Variants in ZSWIM6 observed in about 807,000 individuals in gnomAD.
The protein encoded by ZSWIM6 is zinc finger SWIM domain-containing protein 6.
Under a neutral mutation model 113.2 loss-of-function variants are expected in ZSWIM6, and 9 were observed. The ratio of observed to expected loss-of-function variants is 0.08; its 90% CI spans 0.05 to 0.14. The LOEUF is 0.14. ZSWIM6 is among the 10% of genes least tolerant of loss of function. The pLI is 1.00. For synonymous variants in ZSWIM6, 611 were observed against 606.5 expected, an observed-to-expected ratio of 1.01 and a Z score of -0.11; for missense variants, 1,162 against 1,552.2, an observed-to-expected ratio of 0.75 and a Z score of 4.22.
At chr5:61,505,294 A>G (rs906806522) in intron 4 of ZSWIM6, among the ~76,000 whole-genome samples, 34 of 152,186 alleles carry the variant, frequency 2.2e-4, no homozygotes, top group Non-Finnish European at 2.8e-4. Flanking sequence ...AAAATAAGAA[A>G]GCATCTATCA....
At chr5:61,458,606 C>T (rs1307974801) in intron 1 of ZSWIM6, among the ~76,000 whole-genome samples, 1 of 151,926 alleles carries the variant, frequency 6.6e-6, no homozygotes, top group Non-Finnish European at 1.5e-5. Flanking sequence ...GGCTGGACGC[C>T]GTGGCTCATG....
In ZSWIM6 at chr5:61,332,579, G is replaced by C; in HGVS notation, c.307G>C (p.Glu103Gln). 1 of 1,360,900 alleles carries C rather than the reference G, an allele frequency of 7.3e-7. No homozygotes were observed. The highest frequency in any genetic ancestry group is 9.7e-7 in the Non-Finnish European group (1 of 1,029,672). The allele number at this position is 1,360,900 out of a possible 1,614,324, so 84.3% of individuals were successfully genotyped here. A position where few individuals can be genotyped will look rare whatever the true frequency, so the allele number is the denominator to read the frequency against. ...RVEERFERIPEPVQRRIVYWS... is the reference protein window; with the variant it reads ...RVEERFERIPQPVQRRIVYWS... ...GGAGGAGCGCTTTGAGCGCATCCCGGAGCCGGTGCAGCGCCGCATAGTCTA... is the reference window on the plus strand; with the variant it reads ...GGAGGAGCGCTTTGAGCGCATCCCGCAGCCGGTGCAGCGCCGCATAGTCTA... The change falls in exon 1 of 14, where the codon GAG (glutamate) becomes CAG (glutamine). Residue 103 changes from glutamate (E) to glutamine (Q), a missense_variant. By Grantham distance (29) the Glu-to-Gln change is conservative. This residue lies in a region of ZSWIM6 where 333 missense variants were observed against 293.4 expected (regional missense o/e 1.13). Coordinates refer to ENST00000252744, the MANE Select transcript of ZSWIM6 (RefSeq NM_020928.2).
At chr5:61,520,326 T>G (rs564847154) in intron 4 of ZSWIM6, among the ~76,000 whole-genome samples, 2 of 152,332 alleles carry the variant, frequency 1.3e-5, no homozygotes, top group South Asian at 4.1e-4. Flanking sequence ...TGCTTTGAAA[T>G]TTAAGTAAAA....
intron 1 of ZSWIM6, among the ~76,000 whole-genome samples, chr5:61,451,205 G>A (rs554551396): frequency 1.3e-5 from 2 of 152,274 alleles, no homozygotes; most frequent in East Asian, 3.9e-4. Flanking sequence ...AGAAAGCCTG[G>A]CTAGGAAGCT....
chr5:61,378,415 A>G (rs913527911), intron 1 of ZSWIM6, among the ~76,000 whole-genome samples: 1 of 152,220 alleles, frequency 6.6e-6, no homozygotes, highest in Non-Finnish European at 1.5e-5. Flanking sequence ...CTGCCGTTTG[A>G]GGAGAAAGGA....
At chr5:61,518,005 T>C (rs1164962557) in intron 4 of ZSWIM6, among the ~76,000 whole-genome samples, 1 of 142,340 alleles carries the variant, frequency 7.0e-6, no homozygotes, top group African/African-American at 2.6e-5. Context: ...GTTCTCATTG[T>C]TCAATTGCCA....
At chr5:61,413,739 A>G (rs1746191533) in intron 1 of ZSWIM6, among the ~76,000 whole-genome samples, 2 of 152,000 alleles carry the variant, frequency 1.3e-5, no homozygotes, top group South Asian at 4.1e-4. Flanking sequence ...ATGGTATCTC[A>G]TTGTGGTTTT....
At chr5:61,527,132 C>T (rs1561279301) in intron 7 of ZSWIM6, among the ~76,000 whole-genome samples, 1 of 152,146 alleles carries the variant, frequency 6.6e-6, no homozygotes, top group African/African-American at 2.4e-5. Flanking sequence ...ATAACTATTA[C>T]TGAGTAATAG....
At chr5:61,386,913 T>C (rs1745601780) in intron 1 of ZSWIM6, among the ~76,000 whole-genome samples, 3 of 152,338 alleles carry the variant, frequency 2.0e-5, no homozygotes, top group East Asian at 3.9e-4. Flanking sequence ...ATCCACGTGC[T>C]CCTGCCAAAT....
chr5:61,384,872 A>G (rs187722397), intron 1 of ZSWIM6, among the ~76,000 whole-genome samples: 160 of 152,294 alleles, frequency 1.1e-3, no homozygotes, highest in Admixed American at 2.4e-3. Flanking sequence ...CCTGGCTAAC[A>G]TGGTGAAATC....
At chr5:61,442,747 T>C (rs12520195) in intron 1 of ZSWIM6, among the ~76,000 whole-genome samples, 2 of 152,352 alleles carry the variant, frequency 1.3e-5, no homozygotes, top group East Asian at 3.9e-4. Context: ...ATTGAACTTA[T>C]GCAAACAACC....
intron 4 of ZSWIM6, among the ~76,000 whole-genome samples, chr5:61,516,798 C>T (rs183872981): frequency 7.2e-5 from 11 of 151,918 alleles, no homozygotes; most frequent in South Asian, 6.2e-4. Context: ...TATTTCTCCT[C>T]GGCATAAAGA....
At chr5:61,363,344 A>G (rs1427575833) in intron 1 of ZSWIM6, among the ~76,000 whole-genome samples, 1 of 152,238 alleles carries the variant, frequency 6.6e-6, no homozygotes, top group Non-Finnish European at 1.5e-5. Context: ...GTTATATAGA[A>G]TTGGTAAGAA....
intron 1 of ZSWIM6, among the ~76,000 whole-genome samples, chr5:61,390,026 A>T (rs186504527): frequency 4.5e-4 from 69 of 152,160 alleles, no homozygotes; most frequent in African/African-American, 1.5e-3. Context: ...TCTTTTTTCC[A>T]TTTGCTGTAG....
At chr5:61,499,435 G>T (rs142625421) in intron 4 of ZSWIM6, among the ~76,000 whole-genome samples, 158 of 152,258 alleles carry the variant, frequency 1.0e-3, no homozygotes, top group African/African-American at 3.6e-3. Context: ...TTTGGGGTAG[G>T]TGATAGTACC....
intron 1 of ZSWIM6, among the ~76,000 whole-genome samples, chr5:61,336,587 G>C (rs1203617748): frequency 1.3e-5 from 2 of 151,684 alleles, no homozygotes; most frequent in Non-Finnish European, 2.9e-5. Flanking sequence ...GCAAATCTTC[G>C]TCTCTACCAA....
At chr5:61,407,287 ATATC>A (rs762114187) in intron 1 of ZSWIM6, among the ~76,000 whole-genome samples, 1 of 152,248 alleles carries the variant, frequency 6.6e-6, no homozygotes, top group Non-Finnish European at 1.5e-5. Context: ...TAGTGGATAT[ATATC>A]TAGGAAAAAA....
At chr5:61,370,596 TGAG>T in intron 1 of ZSWIM6, among the ~76,000 whole-genome samples, 1 of 152,386 alleles carries the variant, frequency 6.6e-6, no homozygotes, top group East Asian at 1.9e-4. Flanking sequence ...ATTTTATGCA[TGAG>T]GCTCAGATGG....
At position 61,423,423 on chromosome 5, in the gene ZSWIM6, A is replaced by C. The variant is rs6866273; in HGVS notation, c.677-49258A>C. ...AACTCCATCTCAAAAAAAAAACACA[A>C]AAAAAAAACAAAACGGCAACAACAA... On this transcript the variant is annotated intron_variant, in intron 1 of 13. Coordinates refer to ENST00000252744, the MANE Select transcript of ZSWIM6 (RefSeq NM_020928.2). 6.6e-3 allele frequency among the ~76,000 whole-genome samples: 997 copies of C among 151,360 alleles called. 5 individuals are homozygous for C. The highest frequency in any genetic ancestry group is 0.012 in the African/African-American group (503 of 41,316).
Sources: allele counts gnomAD v4.1 joint callset (sites outside exome capture counted in the v4.1 genomes callset), GRCh38; gene constraint gnomAD v4.1.1; regional missense constraint gnomAD v4.1.1; transcripts MANE v1.5; gene names NCBI Gene and HGNC (gene_info 2026-07-23, HGNC 2026-07-21).